The following CSTPP1 variants were observed in gnomAD, a reference collection of about 807,000 sequenced individuals.
The protein encoded by CSTPP1 is UPF0705 protein C11orf49.
At chr11:47,022,661 C>T in the CSTPP1 span, among the ~76,000 whole-genome samples, 12 of 152,218 alleles carry the variant, frequency 7.9e-5, no homozygotes, top group Middle Eastern at 3.4e-3. Flanking sequence ...TGAGCCACTG[C>T]ACCCAGCCAC....
At chr11:47,091,120 G>C in the CSTPP1 span, among the ~76,000 whole-genome samples, 3 of 149,550 alleles carry the variant, frequency 2.0e-5, no homozygotes, top group Non-Finnish European at 4.4e-5. Flanking sequence ...GGCTGGGGGC[G>C]GTGGCTCACA....
the CSTPP1 span, among the ~76,000 whole-genome samples, chr11:46,962,503 G>C: frequency 5.1e-4 from 78 of 152,240 alleles, no homozygotes; most frequent in Non-Finnish European, 9.7e-4. Flanking sequence ...GGATTGTATT[G>C]ATATTGTAGG....
At chr11:47,055,249 T>C in the CSTPP1 span, among the ~76,000 whole-genome samples, 1 of 152,068 alleles carries the variant, frequency 6.6e-6, no homozygotes, top group South Asian at 2.1e-4. Flanking sequence ...TTTCATATTA[T>C]GTGTTTTCAT....
the CSTPP1 span, among the ~76,000 whole-genome samples, chr11:47,151,934 G>A: frequency 6.6e-6 from 1 of 152,012 alleles, no homozygotes; most frequent in Non-Finnish European, 1.5e-5. Flanking sequence ...CCGTAGGACT[G>A]TTGTAGAATA....
At chr11:47,038,431 T>C in the CSTPP1 span, among the ~76,000 whole-genome samples, 457 of 56,390 alleles carry the variant, frequency 8.1e-3, 27 homozygotes, top group Non-Finnish European at 0.011. Flanking sequence ...ACCTCCCGGA[T>C]GGGGCGGCTG....
chr11:47,006,830 G>T, the CSTPP1 span, among the ~76,000 whole-genome samples: 1 of 149,246 alleles, frequency 6.7e-6, no homozygotes, highest in African/African-American at 2.5e-5. Context: ...GGGCTCAAGT[G>T]ATCCTCCTGC....
chr11:46,937,593 G>A, the CSTPP1 span, among the ~76,000 whole-genome samples: 2 of 152,094 alleles, frequency 1.3e-5, no homozygotes, highest in African/African-American at 2.4e-5. Context: ...TTTTTGAGAC[G>A]GAGTCTAGCT....
chr11:47,029,609 C>G, the CSTPP1 span, among the ~76,000 whole-genome samples: 1 of 148,424 alleles, frequency 6.7e-6, no homozygotes, highest in Non-Finnish European at 1.5e-5. Context: ...GAGTGAGACT[C>G]TATCTCAAAA....
chr11:46,987,474 G>A, the CSTPP1 span: 3 of 538,262 alleles, frequency 5.6e-6, no homozygotes, highest in Non-Finnish European at 9.6e-6. Context: ...TTTGGAGCAT[G>A]CCTTTGGTGC....
chr11:47,141,425 G>A, the CSTPP1 span, among the ~76,000 whole-genome samples: 4 of 151,656 alleles, frequency 2.6e-5, no homozygotes, highest in South Asian at 6.3e-4. Flanking sequence ...GCTCAACATG[G>A]TGAAACCCCA....
chr11:47,160,655 C>T, the CSTPP1 span: 1 of 155,978 alleles, frequency 6.4e-6, no homozygotes, highest in African/African-American at 2.4e-5. Context: ...TCTCCTCTTG[C>T]CCCTGGGATC....
the CSTPP1 span, chr11:46,936,965 G>T: frequency 3.9e-6 from 5 of 1,277,206 alleles, no homozygotes; most frequent in Non-Finnish European, 5.1e-6. Flanking sequence ...GGTATGGGGA[G>T]GGGCGGAGAG....
chr11:47,016,415 A>AC, the CSTPP1 span, among the ~76,000 whole-genome samples: 1 of 151,778 alleles, frequency 6.6e-6, no homozygotes, highest in East Asian at 1.9e-4. Flanking sequence ...AAAAAACAAA[A>AC]AAAAAACGCT....
At chr11:47,012,324 A>G in the CSTPP1 span, among the ~76,000 whole-genome samples, 1 of 152,144 alleles carries the variant, frequency 6.6e-6, no homozygotes, top group African/African-American at 2.4e-5. Context: ...TACTTTCAAT[A>G]GTGTAGTCAG....
chr11:47,064,285 T>A, the CSTPP1 span, among the ~76,000 whole-genome samples: 28 of 152,286 alleles, frequency 1.8e-4, no homozygotes, highest in South Asian at 3.7e-3. Context: ...ACTTTTTTTT[T>A]ATCATATCCT....
chr11:46,940,034 CTAAG>C, the CSTPP1 span, among the ~76,000 whole-genome samples: 2 of 152,060 alleles, frequency 1.3e-5, no homozygotes, highest in African/African-American at 2.4e-5. Flanking sequence ...CCACACCTGG[CTAAG>C]TTTTTGTATT....
chr11:47,159,567 G>A, the CSTPP1 span: 11 of 452,616 alleles, frequency 2.4e-5, no homozygotes, highest in South Asian at 6.2e-5. Flanking sequence ...AGGGGGAGGC[G>A]GGTGGGATCT....
chr11:46,970,993 A>G, the CSTPP1 span, among the ~76,000 whole-genome samples: 1 of 152,224 alleles, frequency 6.6e-6, no homozygotes, highest in African/African-American at 2.4e-5. Flanking sequence ...AAGTGAAAAA[A>G]TGAGTTGTAG....
the CSTPP1 span, chr11:47,052,550 C>T: frequency 1.1e-5 from 18 of 1,602,456 alleles, no homozygotes; most frequent in South Asian, 1.9e-4. Flanking sequence ...TTCCTTCCTT[C>T]CTTCCTTCCT....
Sources: gnomAD v4.1 joint callset for allele counts (sites outside exome capture counted in the v4.1 genomes callset) on GRCh38, gnomAD v4.1.1 for gene constraint, MANE v1.5 for transcripts, NCBI Gene and HGNC (gene_info 2026-07-23, HGNC 2026-07-21) for gene names.